Variants in SMAD5 observed in about 807,000 individuals in gnomAD.
SMAD5 encodes the protein MAD, mothers against decapentaplegic homolog 5.
Under a neutral mutation model 43.1 loss-of-function variants are expected in SMAD5, and 9 were observed. The observed-to-expected ratio is 0.21, with a 90% confidence interval of 0.13 to 0.36. The LOEUF (loss-of-function observed/expected upper bound fraction) is 0.36. SMAD5 is among the 10% of genes least tolerant of loss of function. SMAD5 has a pLI of 1.00. For missense variants in SMAD5, 348 were observed against 574.0 expected (o/e 0.61, Z 4.02); for synonymous variants, 190 against 192.4 (o/e 0.99, Z 0.10).
chr5:136,140,102 A>C (rs1215113418), intron 1 of SMAD5, among the ~76,000 whole-genome samples: 1 of 149,772 alleles, frequency 6.7e-6, no homozygotes, highest in Non-Finnish European at 1.5e-5. Flanking sequence ...GGCTCACTGC[A>C]ACCTCTGCCT....
intron 3 of SMAD5, among the ~76,000 whole-genome samples, chr5:136,159,132 A>G (rs575225532): frequency 4.5e-4 from 68 of 152,316 alleles, no homozygotes; most frequent in African/African-American, 1.6e-3. Flanking sequence ...TCAGCAATGA[A>G]TTACATGTAT....
In SMAD5 at chr5:136,174,359, A is replaced by G; in HGVS notation, c.998-17A>G. On this transcript the variant is annotated splice_polypyrimidine_tract_variant and intron_variant, in intron 6 of 7. Transcript: ENST00000545279. ...ATGATTCTTTTAGCTGACTCTTGTG[A>G]TGTTTGTCTTTTTAAGGTGTTCATC... 6.2e-7 allele frequency: 1 copy of G among 1,607,738 alleles called. No individual in the cohort carries two copies. The highest frequency in any genetic ancestry group is 1.3e-5 in the African/African-American group (1 of 74,854).
chr5:136,135,150 A>C (rs1752831948), intron 1 of SMAD5, among the ~76,000 whole-genome samples: 1 of 152,228 alleles, frequency 6.6e-6, no homozygotes, highest in Admixed American at 6.5e-5. Context: ...GTCAGCTATT[A>C]ATTTCAGTGG....
intron 6 of SMAD5, 34 bp from the exon 7 acceptor site, chr5:136,174,342 T>A (rs1324908171): frequency 6.2e-7 from 1 of 1,601,850 alleles, no homozygotes; most frequent in Non-Finnish European, 8.5e-7. Flanking sequence ...TAATGATTCT[T>A]TTAGCTGACT....
chr5:136,137,174 GT>G (rs1388649347), intron 1 of SMAD5, among the ~76,000 whole-genome samples: 1 of 151,394 alleles, frequency 6.6e-6, no homozygotes, highest in African/African-American at 2.4e-5. Flanking sequence ...TATTAAGTCA[GT>G]TCTGTGTGTG....
chr5:136,143,180 T>A (rs150183413), intron 1 of SMAD5, among the ~76,000 whole-genome samples: 1 of 152,230 alleles, frequency 6.6e-6, no homozygotes, highest in African/African-American at 2.4e-5. Context: ...GAGTTACCCT[T>A]TGGTAAGTGA....
intron 5 of SMAD5, among the ~76,000 whole-genome samples, chr5:136,163,736 C>T (rs1753904028): frequency 6.6e-6 from 1 of 152,164 alleles, no homozygotes; most frequent in Non-Finnish European, 1.5e-5. Context: ...AGTCTTCTTT[C>T]ACTTAGCATG....
Position 136,149,298 on chromosome 5 carries a change from T to C in SMAD5, c.-170+1392T>C, listed in dbSNP as rs78082543. On this transcript the variant is annotated intron_variant, in intron 2 of 7. Transcript: ENST00000545279. ...AAGTTGTTAGGAACATGTACTTGTT[T>C]TTTGGTGGACACAGCACTCATTTCT... is the stretch of plus-strand genomic sequence containing the variant. Among the ~76,000 whole-genome samples the C allele has an allele frequency of 3.6e-3, 546 of 151,950 alleles. 9 individuals are homozygous for C. The highest frequency in any genetic ancestry group is 0.013 in the African/African-American group (537 of 41,508).
chr5:136,150,630 T>C (rs1295147334), intron 2 of SMAD5, among the ~76,000 whole-genome samples: 2 of 151,978 alleles, frequency 1.3e-5, no homozygotes, highest in African/African-American at 4.8e-5. Context: ...TAAGAATGAC[T>C]AAGATTTCTC....
At chr5:136,173,195 G>T (rs1034120175) in intron 6 of SMAD5, among the ~76,000 whole-genome samples, 11 of 150,310 alleles carry the variant, frequency 7.3e-5, no homozygotes, top group Non-Finnish European at 5.9e-5. Context: ...TTAAATTTAG[G>T]CAATAAGGTT....
intron 1 of SMAD5, among the ~76,000 whole-genome samples, chr5:136,141,075 T>C (rs10036652): frequency 0.36 from 54,641 of 151,774 alleles, 10,810 homozygotes; most frequent in African/African-American, 0.54. Context: ...GATTATGGGG[T>C]GATCAGGGAA....
chr5:136,149,769 A>G (rs1052514246), intron 2 of SMAD5, among the ~76,000 whole-genome samples: 16 of 152,022 alleles, frequency 1.1e-4, no homozygotes, highest in Admixed American at 9.2e-4. Context: ...GAAGTATAGA[A>G]AACATTTTTA....
chr5:136,153,979 T>C lies in SMAD5; in HGVS notation c.219T>C (p.Asp73=), dbSNP rs1222690598. Residue 73 remains aspartate (D), a synonymous_variant, in exon 3 of 8, where the codon GAT becomes GAC. Coordinates refer to ENST00000545279, the MANE Select transcript of SMAD5 (RefSeq NM_005903.7). ...SKCVTIPRSL[D]GRLQVSHRKG... ...GTGTCACTATTCCCAGATCTTTAGATGGACGCCTGCAGGTTTCTCACAGAA... is the reference window on the plus strand; with the variant it reads ...GTGTCACTATTCCCAGATCTTTAGACGGACGCCTGCAGGTTTCTCACAGAA... 5 of 1,610,820 alleles carry C rather than the reference T, an allele frequency of 3.1e-6. No individual in the cohort carries two copies. Among genetic ancestry groups the C allele is most frequent in the Admixed American group, 1.7e-5 (1 of 59,442 alleles).
chr5:136,161,315 A>G (rs1753820072), intron 4 of SMAD5, among the ~76,000 whole-genome samples: 1 of 152,130 alleles, frequency 6.6e-6, no homozygotes, highest in Non-Finnish European at 1.5e-5. Context: ...AAGTAGCCCT[A>G]TTTGACTTAA....
At chr5:136,161,789 T>C (rs950102407) in intron 4 of SMAD5, among the ~76,000 whole-genome samples, 7 of 152,230 alleles carry the variant, frequency 4.6e-5, no homozygotes, top group African/African-American at 1.7e-4. Context: ...CAGAGTCATA[T>C]ATAAGTACAG....
At chr5:136,163,150 A>T in intron 4 of SMAD5, 122 bp from the exon 5 acceptor site, 1 of 777,268 alleles carries the variant, frequency 1.3e-6, no homozygotes, top group Middle Eastern at 2.5e-4. Context: ...AGTATCCTAC[A>T]TTTTTTTGTG....
chr5:136,177,946 T>C lies in SMAD5; in HGVS notation c.*466T>C, dbSNP rs1020969546. On this transcript the variant is annotated 3_prime_UTR_variant, in exon 8 of 8. Transcript: ENST00000545279. Reference sequence around the variant, plus strand: ...ACTTAAAAAAAAAAAGTACAATTCATTGTTTTGCAAAAGTGTATGGTAGGG... The same window carrying C: ...ACTTAAAAAAAAAAAGTACAATTCACTGTTTTGCAAAAGTGTATGGTAGGG... The C allele has an allele frequency of 6.5e-6, 1 of 153,880 alleles. No homozygotes were observed. The highest frequency in any genetic ancestry group is 1.4e-5 in the Non-Finnish European group (1 of 69,248). 9.5% of individuals were successfully genotyped at this position (153,880 alleles called of 1,614,324 possible). A position where few individuals can be genotyped will look rare whatever the true frequency, so the allele number is the denominator to read the frequency against.
chr5:136,142,534 G>A (rs1303559406), intron 1 of SMAD5, among the ~76,000 whole-genome samples: 1 of 151,958 alleles, frequency 6.6e-6, no homozygotes, highest in Admixed American at 6.6e-5. Context: ...GATTACCTTG[G>A]TTTTCTTTCT....
rs1754665882 is a variant in SMAD5, at chr5:136,182,481, G to T, written c.*5001G>T. ...CTACCTGCCCACATTTTCTTAAAAA[G>T]ATATTTCATATACAGATAATGAAGA... On this transcript the variant is annotated 3_prime_UTR_variant, in exon 8 of 8. Coordinates refer to ENST00000545279, the MANE Select transcript of SMAD5 (RefSeq NM_005903.7). 6.6e-6 allele frequency: 1 copy of T among 152,662 alleles called. No homozygotes were observed. The highest frequency in any genetic ancestry group is 2.4e-5 in the African/African-American group (1 of 41,544). The allele number at this position is 152,662 out of a possible 1,614,324, so 9.5% of individuals were successfully genotyped here. A position where few individuals can be genotyped will look rare whatever the true frequency, so the allele number is the denominator to read the frequency against.
Sources: allele counts gnomAD v4.1 joint callset (sites outside exome capture counted in the v4.1 genomes callset), GRCh38; gene constraint gnomAD v4.1.1; transcripts MANE v1.5; gene names NCBI Gene and HGNC (gene_info 2026-07-23, HGNC 2026-07-21).